MECOM: variants seen among roughly 807,000 people sequenced by gnomAD.
MECOM encodes histone-lysine N-methyltransferase MECOM.
Under a neutral mutation model 116.3 loss-of-function variants are expected in MECOM, and 13 were observed. The ratio of observed to expected loss-of-function variants is 0.11; its 90% CI spans 0.07 to 0.18. The LOEUF is 0.18. MECOM is among the 10% of genes least tolerant of loss of function. The pLI is 1.00. For missense variants in MECOM, 1,299 were observed against 1,509.0 expected (o/e 0.86, Z 2.31); for synonymous variants, 528 against 535.2 (o/e 0.99, Z 0.19).
chr3:169,324,507 T>C (rs1184044161), intron 2 of MECOM, among the ~76,000 whole-genome samples: 2 of 152,230 alleles, frequency 1.3e-5, no homozygotes, highest in Non-Finnish European at 2.9e-5. Flanking sequence ...CTTTCAAAAG[T>C]TCATTTAGGA....
At chr3:169,623,510 G>A (rs537348792) in intron 1 of MECOM, among the ~76,000 whole-genome samples, 1 of 152,258 alleles carries the variant, frequency 6.6e-6, no homozygotes, top group Non-Finnish European at 1.5e-5. Context: ...ATAGATTAAT[G>A]TTTGAAATAT....
chr3:169,371,734 T>C (rs1239950854), intron 2 of MECOM, among the ~76,000 whole-genome samples: 1 of 151,978 alleles, frequency 6.6e-6, no homozygotes, highest in Admixed American at 6.6e-5. Flanking sequence ...ATGTCTAAAA[T>C]CTCAAATTAT....
intron 1 of MECOM, among the ~76,000 whole-genome samples, chr3:169,422,291 T>G (rs1477496803): frequency 6.6e-6 from 1 of 152,068 alleles, no homozygotes; most frequent in Non-Finnish European, 1.5e-5. Flanking sequence ...ACTGATATGT[T>G]CTGTAGGATA....
intron 1 of MECOM, among the ~76,000 whole-genome samples, chr3:169,412,965 C>T (rs1291241516): frequency 6.6e-6 from 1 of 152,212 alleles, no homozygotes; most frequent in Non-Finnish European, 1.5e-5. Flanking sequence ...CAAGATAACA[C>T]CAGTGACTTT....
At chr3:169,444,522 AAGAAGTGCCT>A (rs1744280001) in intron 1 of MECOM, among the ~76,000 whole-genome samples, 1 of 152,068 alleles carries the variant, frequency 6.6e-6, no homozygotes, top group Non-Finnish European at 1.5e-5. Context: ...GCCACCATGT[AAGAAGTGCCT>A]TTCACCCCCC....
chr3:169,447,573 T>C (rs995264499), intron 1 of MECOM, among the ~76,000 whole-genome samples: 2 of 152,220 alleles, frequency 1.3e-5, no homozygotes, highest in Non-Finnish European at 2.9e-5. Context: ...TGTTAATTTC[T>C]AGAAGTAAAA....
chr3:169,376,082 G>A (rs1730983234), intron 2 of MECOM, among the ~76,000 whole-genome samples: 1 of 151,606 alleles, frequency 6.6e-6, no homozygotes, highest in Non-Finnish European at 1.5e-5. Context: ...AAAAAACACA[G>A]GATTATCTCA....
At chr3:169,499,139 C>T (rs910703987) in intron 1 of MECOM, among the ~76,000 whole-genome samples, 2 of 150,368 alleles carry the variant, frequency 1.3e-5, no homozygotes, top group African/African-American at 4.9e-5. Context: ...CATATATATA[C>T]CAGAAGGAAA....
intron 2 of MECOM, among the ~76,000 whole-genome samples, chr3:169,256,563 G>A (rs1484094819): frequency 2.0e-5 from 3 of 152,140 alleles, no homozygotes; most frequent in South Asian, 2.1e-4. Flanking sequence ...CTAGGAGAAC[G>A]TAAAATAAAA....
intron 2 of MECOM, among the ~76,000 whole-genome samples, chr3:169,318,000 C>A (rs369888214): frequency 7.2e-5 from 11 of 152,130 alleles, no homozygotes; most frequent in African/African-American, 2.7e-4. Flanking sequence ...CTTTGACAAA[C>A]CTGACAAAAA....
At chr3:169,637,837 T>C (rs569392004) in intron 1 of MECOM, among the ~76,000 whole-genome samples, 22 of 152,362 alleles carry the variant, frequency 1.4e-4, no homozygotes, top group African/African-American at 4.8e-4. Flanking sequence ...CACCATTCAT[T>C]CCATATTATT....
chr3:169,087,744 A>C (rs902798505), intron 16 of MECOM, among the ~76,000 whole-genome samples: 1 of 152,062 alleles, frequency 6.6e-6, no homozygotes, highest in African/African-American at 2.4e-5. Flanking sequence ...TGAAATGTCT[A>C]CTCTAGCTAG....
intron 1 of MECOM, among the ~76,000 whole-genome samples, chr3:169,539,592 G>C (rs1759813881): frequency 6.6e-6 from 1 of 152,092 alleles, no homozygotes. Flanking sequence ...TAAATATGTT[G>C]TGAATTCTTC....
At chr3:169,578,176 C>T (rs999173789) in intron 1 of MECOM, among the ~76,000 whole-genome samples, 13 of 152,178 alleles carry the variant, frequency 8.5e-5, no homozygotes, top group African/African-American at 3.1e-4. Context: ...CTTTAGACAA[C>T]TTAAAAGATG....
intron 2 of MECOM, among the ~76,000 whole-genome samples, chr3:169,174,458 T>A (rs1202290225): frequency 6.6e-6 from 1 of 152,130 alleles, no homozygotes; most frequent in African/African-American, 2.4e-5. Flanking sequence ...GGTAGAAAAA[T>A]TATAATTGCA....
chr3:169,179,683 C>T (rs1184935630), intron 2 of MECOM, among the ~76,000 whole-genome samples: 1 of 152,192 alleles, frequency 6.6e-6, no homozygotes, highest in African/African-American at 2.4e-5. Context: ...ACACTTGGCA[C>T]CTCTTACAAG....
intron 2 of MECOM, among the ~76,000 whole-genome samples, chr3:169,367,099 GA>G (rs1236291335): frequency 6.6e-6 from 1 of 152,030 alleles, no homozygotes; most frequent in Non-Finnish European, 1.5e-5. Flanking sequence ...CCAGAGAATA[GA>G]AAAAGACTAT....
At chr3:169,386,443 A>C (rs1417527660) in intron 1 of MECOM, among the ~76,000 whole-genome samples, 1 of 152,142 alleles carries the variant, frequency 6.6e-6, no homozygotes, top group Non-Finnish European at 1.5e-5. Context: ...TTCGATCCTT[A>C]AAGATATGTT....
At chr3:169,501,686 A>G (rs1754557805) in intron 1 of MECOM, among the ~76,000 whole-genome samples, 1 of 152,066 alleles carries the variant, frequency 6.6e-6, no homozygotes, top group African/African-American at 2.4e-5. Flanking sequence ...TCATTTACCA[A>G]CTTCCTTTGC....
Sources: gnomAD v4.1 joint callset for allele counts (sites outside exome capture counted in the v4.1 genomes callset) on GRCh38, gnomAD v4.1.1 for gene constraint, MANE v1.5 for transcripts, NCBI Gene and HGNC (gene_info 2026-07-23, HGNC 2026-07-21) for gene names.